Variants in OMA1 observed in about 807,000 individuals in gnomAD.
The protein encoded by OMA1 is metalloendopeptidase OMA1, mitochondrial.
Under a neutral mutation model 30.9 loss-of-function variants are expected in OMA1, and 38 were observed. The observed-to-expected ratio is 1.23, with a 90% CI of 0.95 to 1.61. The LOEUF is 1.61. Ranked by LOEUF, OMA1 falls within the 40% of genes most tolerant of loss-of-function variation. The pLI is 0.00. For missense variants in OMA1, 461 were observed against 349.2 expected (o/e 1.32, Z -2.55); for synonymous variants, 173 against 121.9 (o/e 1.42, Z -2.76).
chr1:58,493,842 C>T (rs1323164490), intron 8 of OMA1, among the ~76,000 whole-genome samples: 1 of 151,918 alleles, frequency 6.6e-6, no homozygotes, highest in South Asian at 2.1e-4. Context: ...GCCATACTGC[C>T]CAAGGTAATT....
At chr1:58,542,719 T>G (rs914004841) in intron 1 of OMA1, among the ~76,000 whole-genome samples, 2 of 152,250 alleles carry the variant, frequency 1.3e-5, no homozygotes, top group African/African-American at 2.4e-5. Flanking sequence ...CTGTAGTAGA[T>G]AAGCTTCAGA....
chr1:58,496,655 A>T (rs1250638491), intron 8 of OMA1, among the ~76,000 whole-genome samples: 1 of 152,136 alleles, frequency 6.6e-6, no homozygotes, highest in Admixed American at 6.6e-5. Context: ...CTTTTAAATA[A>T]GATTATCCTC....
At position 58,543,430 on chromosome 1, in the gene OMA1, A is replaced by C. The variant is rs527640491; in HGVS notation, c.-17+3273T>G. 6.6e-5 allele frequency among the ~76,000 whole-genome samples: 10 copies of C among 152,282 alleles called. No homozygotes were observed. The South Asian group carries it at 2.1e-3, about 32-fold the overall frequency. ...ATCCAAAATATCTCAGCCCACATTA[A>C]ATCAGTCATGTCAATTCTACCTCCT... On this transcript the variant is annotated intron_variant, in intron 1 of 8. Coordinates refer to ENST00000371226, the MANE Select transcript of OMA1 (RefSeq NM_145243.5).
intron 7 of OMA1, among the ~76,000 whole-genome samples, chr1:58,520,561 G>A (rs113154879): frequency 2.0e-5 from 3 of 152,198 alleles, no homozygotes; most frequent in African/African-American, 7.2e-5. Context: ...AAAAACAACA[G>A]CAATGTTCTG....
chr1:58,494,600 T>C (rs1279386444), intron 8 of OMA1, among the ~76,000 whole-genome samples: 1 of 151,940 alleles, frequency 6.6e-6, no homozygotes, highest in Non-Finnish European at 1.5e-5. Context: ...CATCAAAAAG[T>C]GGGTGAAGGA....
chr1:58,526,872 G>C (rs1646359586), intron 7 of OMA1, among the ~76,000 whole-genome samples: 1 of 152,048 alleles, frequency 6.6e-6, no homozygotes, highest in Non-Finnish European at 1.5e-5. Context: ...AATGTTAAAA[G>C]GCCAGAGGGG....
intron 8 of OMA1, among the ~76,000 whole-genome samples, chr1:58,502,485 C>T (rs947427519): frequency 6.6e-6 from 1 of 152,176 alleles, no homozygotes; most frequent in Non-Finnish European, 1.5e-5. Context: ...TTTGTCTGTG[C>T]TCTCTAGTGC....
chr1:58,513,887 C>T (rs139662617), intron 7 of OMA1, among the ~76,000 whole-genome samples: 4 of 152,284 alleles, frequency 2.6e-5, no homozygotes, highest in African/African-American at 9.6e-5. Flanking sequence ...GCTCAAACAG[C>T]TAGTAAGTGA....
chr1:58,533,756 G>GT (rs1205808408), intron 5 of OMA1, among the ~76,000 whole-genome samples, 197 bp downstream of exon 5: 1 of 151,984 alleles, frequency 6.6e-6, no homozygotes, highest in Non-Finnish European at 1.5e-5. Context: ...ATATTATTCA[G>GT]TATCAAATAC....
Position 58,527,281 on chromosome 1 carries a change from CA to C in OMA1, c.1194del (p.Ile398MetfsTer13), listed in dbSNP as rs1469915268. 1 of 872,274 alleles carries C rather than the reference CA, an allele frequency of 1.1e-6. No homozygotes were observed. Among genetic ancestry groups the C allele is most frequent in the Non-Finnish European group, 2.0e-6 (1 of 501,262 alleles). 54.0% of individuals were successfully genotyped at this position (872,274 alleles called of 1,614,324 possible). On this transcript the variant is annotated frameshift_variant, in exon 7 of 9. Transcript: ENST00000371226. LOFTEE classifies it high-confidence loss of function. The part of the protein sequence containing the change: ...SRKLEAEADK[I>X]GLLLAAKACA... Reference sequence around the variant, plus strand: ...TTTACCTTTGCAGCAAGCAGTAGTCCAATTTTGTCAGCTTCGGCCTCCAATT... The same window carrying C: ...TTTACCTTTGCAGCAAGCAGTAGTCCATTTTGTCAGCTTCGGCCTCCAATT...
intron 8 of OMA1, among the ~76,000 whole-genome samples, chr1:58,495,667 C>T (rs1645787817): frequency 6.6e-6 from 1 of 151,554 alleles, no homozygotes; most frequent in African/African-American, 2.4e-5. Flanking sequence ...GACATATTGT[C>T]CTATGTGTTT....
chr1:58,536,728 A>G lies in OMA1; in HGVS notation c.514T>C (p.Trp172Arg). The change falls in exon 3 of 9, where the codon TGG becomes CGG. Residue 172 changes from tryptophan (W) to arginine (R), a missense_variant. Transcript: ENST00000371226. ...AIIVGRGIRKWWQALPPNKKE... is the reference protein window; with the variant it reads ...AIIVGRGIRKRWQALPPNKKE... ...TTGTTAGGAGGAAGTGCCTGCCACC[A>G]TTTCCTTATGCCCCTAAAGCAAAAA... The G allele has an allele frequency of 2.3e-6, 2 of 872,448 alleles. No homozygotes were observed. The highest frequency in any genetic ancestry group is 4.0e-6 in the Non-Finnish European group (2 of 501,480). 54.0% of individuals were successfully genotyped at this position (872,448 alleles called of 1,614,324 possible).
chr1:58,487,657 T>C (rs1423016284), intron 8 of OMA1, among the ~76,000 whole-genome samples: 1 of 152,178 alleles, frequency 6.6e-6, no homozygotes. Flanking sequence ...TTTTTTAAAT[T>C]TGATTTATTT....
chr1:58,481,497 G>C (rs1168089690), intron 8 of OMA1, among the ~76,000 whole-genome samples: 2 of 152,018 alleles, frequency 1.3e-5, no homozygotes. Context: ...TAGCAGACCG[G>C]AGAATCATTC....
At chr1:58,537,294 T>C (rs6684553) in intron 2 of OMA1, among the ~76,000 whole-genome samples, 17,685 of 152,172 alleles carry the variant, frequency 0.12, 1,225 homozygotes, top group African/African-American at 0.18. Context: ...AATAAATCTA[T>C]ACCTGGAACC....
chr1:58,533,956 ATG>A lies in OMA1; in HGVS notation c.1006_1007del (p.His336CysfsTer30). The A allele has an allele frequency of 1.1e-6, 1 of 872,260 alleles. No individual in the cohort carries two copies. The highest frequency in any genetic ancestry group is 2.0e-6 in the Non-Finnish European group (1 of 501,284). 54.0% of individuals were successfully genotyped at this position (872,260 alleles called of 1,614,324 possible). A position where few individuals can be genotyped will look rare whatever the true frequency, so the allele number is the denominator to read the frequency against. On this transcript the variant is annotated frameshift_variant, in exon 5 of 9. Coordinates refer to ENST00000371226, the MANE Select transcript of OMA1 (RefSeq NM_145243.5). LOFTEE classifies it high-confidence loss of function. ...AACATTCATTTTAGGTACTTACAGC[ATG>A]CCCAAGTACTGCATGTGCTATTTCA... ...GHEIAHAVLG[H>X]AAEKAGMVHL...
intron 8 of OMA1, among the ~76,000 whole-genome samples, chr1:58,497,874 C>T (rs1315213636): frequency 6.6e-6 from 1 of 152,166 alleles, no homozygotes; most frequent in Non-Finnish European, 1.5e-5. Context: ...TACACCTGAA[C>T]TCAAAGCCAC....
Position 58,545,032 on chromosome 1 carries a change from G to A in OMA1, c.-17+1671C>T, listed in dbSNP as rs148458368. On this transcript the variant is annotated intron_variant, in intron 1 of 8. Coordinates refer to ENST00000371226, the MANE Select transcript of OMA1 (RefSeq NM_145243.5). ...TTACAGTCATGAGCCACCACGCCTGGACTTTCGTTGGTTTTCCATGGCTTC... is the reference window on the plus strand; with the variant it reads ...TTACAGTCATGAGCCACCACGCCTGAACTTTCGTTGGTTTTCCATGGCTTC... 2.6e-5 allele frequency among the ~76,000 whole-genome samples: 4 copies of A among 152,238 alleles called. No homozygotes were observed. In the East Asian group the frequency reaches 7.7e-4, roughly 29 times the overall value.
At position 58,544,930 on chromosome 1, in the gene OMA1, GGT is replaced by G. The variant is rs1365778138; in HGVS notation, c.-17+1771_-17+1772del. On this transcript the variant is annotated intron_variant, in intron 1 of 8. Transcript: ENST00000371226. ...TTTTTTAATTTTTTTCTGTAGACACGGTGTGTCACTATGTTGCCCAGGCTGGT... is the reference window on the plus strand; with the variant it reads ...TTTTTTAATTTTTTTCTGTAGACACGGTGTCACTATGTTGCCCAGGCTGGT... Among the ~76,000 whole-genome samples, 10 of 152,138 alleles carry G rather than the reference GGT, an allele frequency of 6.6e-5. 1 individual carries two copies. The East Asian group carries it at 1.7e-3, about 26-fold the overall frequency.
Sources: allele counts gnomAD v4.1 joint callset (sites outside exome capture counted in the v4.1 genomes callset), GRCh38; gene constraint gnomAD v4.1.1; transcripts MANE v1.5; gene names NCBI Gene and HGNC (gene_info 2026-07-23, HGNC 2026-07-21).